CCZ1B: variants seen among roughly 807,000 people sequenced by gnomAD.
The protein encoded by CCZ1B is vacuolar fusion protein CCZ1 homolog B.
Under a neutral mutation model 58.8 loss-of-function variants are expected in CCZ1B, and 25 were observed. The observed-to-expected ratio is 0.43, with a 90% CI of 0.31 to 0.59. CCZ1B has a LOEUF of 0.59. Ranked by LOEUF, CCZ1B falls within the 20% of genes least tolerant of loss-of-function variation. CCZ1B has a pLI of 0.12. For synonymous variants in CCZ1B, 66 were observed against 173.2 expected, an observed-to-expected ratio of 0.38 and a Z score of 4.86; for missense variants, 180 against 501.5, an observed-to-expected ratio of 0.36 and a Z score of 6.12.
intron 4 of CCZ1B, among the ~76,000 whole-genome samples, 155 bp from the exon 5 acceptor site, chr7:6,823,515 CTTTTTT>C (rs897480782): frequency 1.4e-4 from 15 of 104,884 alleles, no homozygotes; most frequent in African/African-American, 4.1e-4. Context: ...TGTTTGCGTT[CTTTTTT>C]TTTTTTTTTT....
intron 12 of CCZ1B, among the ~76,000 whole-genome samples, chr7:6,803,826 T>A (rs1248162528): frequency 2.6e-4 from 40 of 151,186 alleles, no homozygotes; most frequent in Non-Finnish European, 3.1e-4. Flanking sequence ...CCAGGCATGA[T>A]GGCACCCAGC....
chr7:6,817,985 C>T (rs1405991614), intron 7 of CCZ1B, among the ~76,000 whole-genome samples: 2 of 147,338 alleles, frequency 1.4e-5, no homozygotes, highest in Non-Finnish European at 3.0e-5. Context: ...GCCTGGGCAA[C>T]AGAAAGCGAC....
chr7:6,810,809 G>A lies in CCZ1B; in HGVS notation c.954+1143C>T, dbSNP rs1278132648. On this transcript the variant is annotated intron_variant, in intron 10 of 14. Transcript: ENST00000316731. ...ATACTAATTTTTAAAGTTCTCGTCTGTCCTCGGAATCATGTTTCTTTCGAG... is the reference window on the plus strand; with the variant it reads ...ATACTAATTTTTAAAGTTCTCGTCTATCCTCGGAATCATGTTTCTTTCGAG... Among the ~76,000 whole-genome samples the A allele has an allele frequency of 3.4e-5, 5 of 149,222 alleles. No homozygotes were observed. The East Asian group carries it at 5.8e-4, about 17-fold the overall frequency.
intron 8 of CCZ1B, 151 bp from the exon 9 acceptor site, chr7:6,813,188 C>T: frequency 1.3e-6 from 2 of 1,484,294 alleles, no homozygotes; most frequent in East Asian, 2.3e-5. Context: ...GGCTGGAATG[C>T]ATGCAGCATG....
chr7:6,823,309 T>C lies in CCZ1B; in HGVS notation c.438+4A>G. 1 of 1,606,488 alleles carries C rather than the reference T, an allele frequency of 6.2e-7. No homozygotes were observed. Among genetic ancestry groups the C allele is most frequent in the Non-Finnish European group, 8.5e-7 (1 of 1,176,950 alleles). On this transcript the variant is annotated splice_donor_region_variant and intron_variant, in intron 5 of 14. Coordinates refer to ENST00000316731, the MANE Select transcript of CCZ1B (RefSeq NM_198097.5). ...TCTGAGTTGAGAAAGAACGCCACGCTTACCTTGTACATGCTGTAGCACTGC... is the reference window on the plus strand; with the variant it reads ...TCTGAGTTGAGAAAGAACGCCACGCCTACCTTGTACATGCTGTAGCACTGC...
intron 14 of CCZ1B, among the ~76,000 whole-genome samples, chr7:6,800,438 T>C (rs1388631927): frequency 4.2e-5 from 6 of 141,250 alleles, no homozygotes; most frequent in Non-Finnish European, 7.6e-5. Flanking sequence ...GAGGATCACT[T>C]GAGGCCTGGA....
Position 6,814,077 on chromosome 7 carries a change from C to T in CCZ1B, c.780+687G>A, listed in dbSNP as rs1475360529. 2.0e-3 allele frequency among the ~76,000 whole-genome samples: 298 copies of T among 148,658 alleles called. 17 individuals carry two copies. The highest frequency in any genetic ancestry group is 7.0e-3 in the African/African-American group (275 of 39,204). The stretch of plus-strand genomic sequence containing the variant: ...CGGAGAATTGTTTGAATCCAGGAAG[C>T]GGAAGTTGCAGTGAGCTGAGATTAA... On this transcript the variant is annotated intron_variant, in intron 8 of 14. Coordinates refer to ENST00000316731, the MANE Select transcript of CCZ1B (RefSeq NM_198097.5).
At chr7:6,820,025 A>G in intron 6 of CCZ1B, 84 bp from the exon 7 acceptor site, 1 of 1,267,026 alleles carries the variant, frequency 7.9e-7, no homozygotes, top group Non-Finnish European at 1.1e-6. Context: ...ATCTTATGTC[A>G]GACTCACATT....
chr7:6,820,037 A>T, intron 6 of CCZ1B, 96 bp from the exon 7 acceptor site: 1 of 1,314,998 alleles, frequency 7.6e-7, no homozygotes, highest in Non-Finnish European at 1.1e-6. Context: ...ACTCACATTT[A>T]TGGTACAATT....
At chr7:6,815,185 G>A (rs1464504865) in intron 7 of CCZ1B, among the ~76,000 whole-genome samples, 1 of 100,014 alleles carries the variant, frequency 1.0e-5, no homozygotes, top group Non-Finnish European at 2.0e-5. Context: ...TTTTTTTTTT[G>A]AGACAAGGTC....
intron 12 of CCZ1B, among the ~76,000 whole-genome samples, chr7:6,803,961 A>AAAAAC (rs1782798230): frequency 6.9e-6 from 1 of 145,376 alleles, no homozygotes; most frequent in African/African-American, 2.5e-5. Context: ...AAAAAAAAAA[A>AAAAAC]ACCCAAAAAA....
chr7:6,806,325 C>T, intron 10 of CCZ1B: 1 of 225,934 alleles, frequency 4.4e-6, no homozygotes, highest in East Asian at 1.2e-4. Context: ...TCTTGCAAAC[C>T]CGACAACACA....
Position 6,819,875 on chromosome 7 carries a change from G to A in CCZ1B, c.589C>T (p.Pro197Ser). ...TTCAAATAAGTCATTTTATCCAACGGGAAGAAGCTGATTCCACCAAAAATG... is the reference window on the plus strand; with the variant it reads ...TTCAAATAAGTCATTTTATCCAACGAGAAGAAGCTGATTCCACCAAAAATG... ...LDIFGGISFF[P>S]LDKMTYLKIQ... The change falls in exon 7 of 15, where the codon CCG becomes TCG. Residue 197 changes from proline (P) to serine (S), a missense_variant. By Grantham distance (74) the Pro-to-Ser change is moderately conservative (BLOSUM62 -1). Coordinates refer to ENST00000316731, the MANE Select transcript of CCZ1B (RefSeq NM_198097.5). The A allele has an allele frequency of 6.3e-7, 1 of 1,585,560 alleles. No individual in the cohort carries two copies.
At chr7:6,817,100 T>A (rs1261453949) in intron 7 of CCZ1B, among the ~76,000 whole-genome samples, 1 of 152,302 alleles carries the variant, frequency 6.6e-6, no homozygotes, top group Non-Finnish European at 1.5e-5. Context: ...TTTTTGTTGC[T>A]ACTTCCTGGG....
chr7:6,819,191 A>C (rs1318881416), intron 7 of CCZ1B, among the ~76,000 whole-genome samples: 6 of 147,990 alleles, frequency 4.1e-5, no homozygotes, highest in Admixed American at 6.8e-5. Flanking sequence ...CAGAAAAAAA[A>C]ACTCCAAAAT....
intron 7 of CCZ1B, among the ~76,000 whole-genome samples, chr7:6,816,607 G>A (rs1783004051): frequency 1.3e-5 from 2 of 150,930 alleles, no homozygotes; most frequent in East Asian, 3.8e-4. Flanking sequence ...TGTCCAGGCT[G>A]GTCTCCAAGT....
At chr7:6,810,424 A>C (rs1356955076) in intron 10 of CCZ1B, among the ~76,000 whole-genome samples, 1 of 148,982 alleles carries the variant, frequency 6.7e-6, no homozygotes, top group Non-Finnish European at 1.5e-5. Flanking sequence ...ACTGTCACAT[A>C]ATGTCTGGTG....
intron 7 of CCZ1B, among the ~76,000 whole-genome samples, chr7:6,815,491 G>C (rs2115120139): frequency 6.7e-6 from 1 of 148,732 alleles, no homozygotes; most frequent in Non-Finnish European, 1.5e-5. Flanking sequence ...CAAGAGATGA[G>C]TCTCGTCTGT....
At chr7:6,822,126 C>T (rs1783121490) in intron 6 of CCZ1B, among the ~76,000 whole-genome samples, 155 bp downstream of exon 6, 1 of 149,738 alleles carries the variant, frequency 6.7e-6, no homozygotes, top group African/African-American at 2.5e-5. Context: ...CATGCGTTTC[C>T]TCGCTGCTCC....
Sources: allele counts gnomAD v4.1 joint callset (sites outside exome capture counted in the v4.1 genomes callset), GRCh38; gene constraint gnomAD v4.1.1; transcripts MANE v1.5; gene names NCBI Gene and HGNC (gene_info 2026-07-23, HGNC 2026-07-21).